Variants in SCFD2 observed in about 807,000 individuals in gnomAD.
SCFD2 encodes the protein sec1 family domain containing 2.
SCFD2 carries 54 observed loss-of-function variants against 58.9 expected under a neutral mutation model. The ratio of observed to expected loss-of-function variants is 0.92; its 90% CI spans 0.74 to 1.15. SCFD2 has a LOEUF of 1.15. Ranked by LOEUF, SCFD2 falls within the 50% of genes most tolerant of loss-of-function variation. The pLI, the probability that SCFD2 is intolerant of heterozygous loss-of-function variation, is 0.00. For synonymous variants in SCFD2, 321 were observed against 335.9 expected, an observed-to-expected ratio of 0.96 and a Z score of 0.49; for missense variants, 805 against 836.6, an observed-to-expected ratio of 0.96 and a Z score of 0.47.
At chr4:53,066,174 G>A (rs1723657047) in intron 5 of SCFD2, among the ~76,000 whole-genome samples, 1 of 152,048 alleles carries the variant, frequency 6.6e-6, no homozygotes, top group Non-Finnish European at 1.5e-5. Flanking sequence ...TAAAAACAGT[G>A]CTTGACAAAA....
chr4:53,304,629 T>C (rs1442745174), intron 3 of SCFD2, among the ~76,000 whole-genome samples: 1 of 151,940 alleles, frequency 6.6e-6, no homozygotes, highest in Non-Finnish European at 1.5e-5. Flanking sequence ...TATTGATACT[T>C]GTGTATGCTT....
chr4:53,327,846 T>C (rs1230685654), intron 2 of SCFD2, among the ~76,000 whole-genome samples: 4 of 152,128 alleles, frequency 2.6e-5, no homozygotes, highest in African/African-American at 4.8e-5. Flanking sequence ...ATACAGAGAT[T>C]AGCATAGAAA....
At chr4:52,908,319 G>A (rs190843020) in intron 6 of SCFD2, among the ~76,000 whole-genome samples, 15 of 152,298 alleles carry the variant, frequency 9.8e-5, no homozygotes, top group Non-Finnish European at 1.0e-4. Context: ...TTGACCCTGC[G>A]CTTTCTGAGC....
intron 5 of SCFD2, among the ~76,000 whole-genome samples, chr4:52,971,821 G>A (rs1046152145): frequency 2.4e-4 from 36 of 152,282 alleles, no homozygotes; most frequent in African/African-American, 4.6e-4. Flanking sequence ...AGATCTCTCC[G>A]CAGAAACTCT....
chr4:53,102,874 A>G (rs574599257), intron 5 of SCFD2, among the ~76,000 whole-genome samples: 29 of 152,272 alleles, frequency 1.9e-4, no homozygotes, highest in Admixed American at 4.6e-4. Context: ...ACAATAAGGT[A>G]CCCAAATTCA....
intron 4 of SCFD2, among the ~76,000 whole-genome samples, chr4:53,260,315 G>C (rs1434471195): frequency 3.9e-5 from 6 of 152,076 alleles, no homozygotes; most frequent in African/African-American, 1.4e-4. Context: ...CCAGTTCTCA[G>C]AGGGGATGCT....
chr4:52,986,250 G>A (rs761907578), intron 5 of SCFD2, among the ~76,000 whole-genome samples: 2 of 151,574 alleles, frequency 1.3e-5, no homozygotes, highest in Non-Finnish European at 2.9e-5. Context: ...AATAGTCATC[G>A]AGTATATGTA....
intron 5 of SCFD2, among the ~76,000 whole-genome samples, chr4:53,129,265 A>C (rs915303304): frequency 1.3e-5 from 2 of 152,124 alleles, no homozygotes; most frequent in African/African-American, 4.8e-5. Context: ...AAACGAACAG[A>C]AAAAAATAGA....
chr4:53,220,371 C>A (rs960260760), intron 4 of SCFD2, among the ~76,000 whole-genome samples: 2 of 152,166 alleles, frequency 1.3e-5, no homozygotes, highest in African/African-American at 4.8e-5. Context: ...GTTTTCTTAA[C>A]TAGAATGTAA....
At chr4:53,300,278 A>C (rs1017769349) in intron 3 of SCFD2, among the ~76,000 whole-genome samples, 3 of 152,216 alleles carry the variant, frequency 2.0e-5, no homozygotes, top group African/African-American at 7.2e-5. Flanking sequence ...TGGAAAACAA[A>C]AAAAGGCAGG....
intron 4 of SCFD2, among the ~76,000 whole-genome samples, chr4:53,262,113 C>T (rs1177327673): frequency 1.3e-5 from 2 of 152,086 alleles, no homozygotes; most frequent in Admixed American, 6.5e-5. Context: ...ATATCTTTGT[C>T]CACCCCTTTA....
At chr4:52,974,590 C>G (rs577414257) in intron 5 of SCFD2, among the ~76,000 whole-genome samples, 4 of 152,182 alleles carry the variant, frequency 2.6e-5, no homozygotes, top group African/African-American at 7.2e-5. Flanking sequence ...AATGGCCATA[C>G]TGCCCAAGGT....
chr4:53,255,178 C>T (rs1010688001), intron 4 of SCFD2, among the ~76,000 whole-genome samples: 2 of 143,838 alleles, frequency 1.4e-5, no homozygotes, highest in African/African-American at 5.1e-5. Flanking sequence ...GCAAATACTT[C>T]CTATTCTTTT....
chr4:52,934,942 T>C (rs781207329), intron 5 of SCFD2, among the ~76,000 whole-genome samples: 16 of 152,272 alleles, frequency 1.1e-4, no homozygotes, highest in Middle Eastern at 3.4e-3. Flanking sequence ...ATGATGAAAA[T>C]AGTCTATACC....
chr4:53,327,364 T>C (rs1334722311), intron 2 of SCFD2, among the ~76,000 whole-genome samples: 6 of 151,816 alleles, frequency 4.0e-5, no homozygotes, highest in African/African-American at 1.5e-4. Context: ...AGGGTGTCTG[T>C]GTAGGGGTGG....
intron 5 of SCFD2, among the ~76,000 whole-genome samples, chr4:52,961,275 T>TG (rs892539756): frequency 6.6e-6 from 1 of 152,080 alleles, no homozygotes; most frequent in Non-Finnish European, 1.5e-5. Context: ...TTCTCCTTTT[T>TG]GGGGGGCTGC....
At chr4:53,184,845 C>A (rs78173907) in intron 4 of SCFD2, among the ~76,000 whole-genome samples, 1 of 152,124 alleles carries the variant, frequency 6.6e-6, no homozygotes, top group East Asian at 1.9e-4. Flanking sequence ...ATATACCCTG[C>A]GGGCCCATGA....
At chr4:53,207,679 G>A (rs1345546862) in intron 4 of SCFD2, among the ~76,000 whole-genome samples, 1 of 31,876 alleles carries the variant, frequency 3.1e-5, no homozygotes, top group Non-Finnish European at 8.4e-5. Context: ...GGTGGGAGGT[G>A]ATTGAATCAT....
intron 2 of SCFD2, among the ~76,000 whole-genome samples, chr4:53,314,380 C>T (rs1298062244): frequency 1.3e-5 from 2 of 152,308 alleles, no homozygotes; most frequent in South Asian, 2.1e-4. Flanking sequence ...GATAACAGCA[C>T]GAAGCACTGC....
Sources: allele counts gnomAD v4.1 joint callset (sites outside exome capture counted in the v4.1 genomes callset), GRCh38; gene constraint gnomAD v4.1.1; transcripts MANE v1.5; gene names NCBI Gene and HGNC (gene_info 2026-07-23, HGNC 2026-07-21).